SAMD3: variants seen among roughly 807,000 people sequenced by gnomAD.
SAMD3 encodes the protein sterile alpha motif domain containing 3, also known as sterile alpha motif domain-containing protein 3.
In SAMD3, 63 loss-of-function variants were observed where a neutral mutation model predicts 58.5. That is an observed-to-expected ratio of 1.08 (90% CI 0.88 to 1.33). SAMD3 has a LOEUF of 1.33. SAMD3 is among the 40% of genes most tolerant of loss of function. The pLI is 0.00. For synonymous variants in SAMD3, 220 were observed against 210.3 expected (o/e 1.05, Z -0.40); for missense variants, 604 against 608.4 (o/e 0.99, Z 0.08).
intron 1 of SAMD3, among the ~76,000 whole-genome samples, chr6:130,325,272 T>G (rs1776719316): frequency 6.6e-6 from 1 of 152,170 alleles, no homozygotes; most frequent in Admixed American, 6.5e-5. Context: ...ATATGGTGTC[T>G]GCAAGGAGAG....
At chr6:130,336,342 A>T (rs1330989325) in intron 1 of SAMD3, among the ~76,000 whole-genome samples, 1 of 152,184 alleles carries the variant, frequency 6.6e-6, no homozygotes, top group Non-Finnish European at 1.5e-5. Context: ...CCAGGATTTG[A>T]ATTCTGATAC....
upstream of SAMD3, among the ~76,000 whole-genome samples, chr6:130,225,096 A>G (rs1485124105): frequency 6.6e-6 from 1 of 152,180 alleles, no homozygotes; most frequent in African/African-American, 2.4e-5. Flanking sequence ...GTGAGTGAGC[A>G]TGGGGAAGAA....
chr6:130,304,777 T>C (rs1445250890), intron 2 of SAMD3, among the ~76,000 whole-genome samples: 1 of 152,080 alleles, frequency 6.6e-6, no homozygotes, highest in Non-Finnish European at 1.5e-5. Flanking sequence ...CTATATTGAG[T>C]CTTTCTAAAA....
intron 9 of SAMD3, among the ~76,000 whole-genome samples, chr6:130,153,515 C>T (rs1266798219): frequency 6.6e-6 from 1 of 151,462 alleles, no homozygotes; most frequent in Non-Finnish European, 1.5e-5. Context: ...AATATGTTCT[C>T]GGGTAAAACC....
At chr6:130,165,336 TA>T (rs1790632977) in intron 8 of SAMD3, among the ~76,000 whole-genome samples, 1 of 152,000 alleles carries the variant, frequency 6.6e-6, no homozygotes, top group Non-Finnish European at 1.5e-5. Flanking sequence ...TACATAACAT[TA>T]AGAGCTTCCA....
chr6:130,238,137 T>TA (rs1420691122), intron 2 of SAMD3, among the ~76,000 whole-genome samples: 4 of 152,102 alleles, frequency 2.6e-5, no homozygotes, highest in Admixed American at 6.5e-5. Flanking sequence ...TACACATTTA[T>TA]AAAAAAACAA....
chr6:130,144,623 G>T lies in SAMD3; in HGVS notation c.1460C>A (p.Thr487Asn). The T allele has an allele frequency of 6.2e-7, 1 of 1,614,160 alleles. No individual in the cohort carries two copies. Among genetic ancestry groups the T allele is most frequent in the Non-Finnish European group, 8.5e-7 (1 of 1,179,998 alleles). Residue 487 changes from threonine to asparagine, a missense_variant, in exon 12 of 12, where the codon ACT becomes AAT. By Grantham distance (65) the Thr-to-Asn change is moderately conservative (BLOSUM62 0). Transcript: ENST00000439090. The part of the protein sequence containing the change: ...RIECPRRLSQ[T>N]FNFLETLIFD... ...AATCAGCGTTTCTAGGAAGTTGAAAGTTTGGGACAGTCTTCTTGGACACTC... is the reference window on the plus strand; with the variant it reads ...AATCAGCGTTTCTAGGAAGTTGAAATTTTGGGACAGTCTTCTTGGACACTC...
At chr6:130,289,962 A>G (rs1411055494) in intron 2 of SAMD3, among the ~76,000 whole-genome samples, 2 of 138,762 alleles carry the variant, frequency 1.4e-5, no homozygotes, top group East Asian at 2.4e-4. Flanking sequence ...TTTATCACGT[A>G]CTAGAGCTTT....
chr6:130,211,572 C>T (rs1367250903), intron 4 of SAMD3, among the ~76,000 whole-genome samples: 1 of 152,118 alleles, frequency 6.6e-6, no homozygotes, highest in African/African-American at 2.4e-5. Flanking sequence ...GCATAACCCA[C>T]CACGCCGAGC....
intron 1 of SAMD3, among the ~76,000 whole-genome samples, chr6:130,351,758 G>A (rs1449234291): frequency 2.1e-4 from 32 of 152,112 alleles, no homozygotes; most frequent in Admixed American, 1.4e-3. Context: ...AAAGACACAT[G>A]CACACATATG....
intron 2 of SAMD3, among the ~76,000 whole-genome samples, chr6:130,299,701 G>A (rs1775682365): frequency 6.6e-6 from 1 of 152,060 alleles, no homozygotes; most frequent in African/African-American, 2.4e-5. Context: ...AAACAAAATT[G>A]ATAGATTGTC....
chr6:130,324,881 G>T (rs1017676564), intron 1 of SAMD3, among the ~76,000 whole-genome samples: 1 of 151,616 alleles, frequency 6.6e-6, no homozygotes, highest in Non-Finnish European at 1.5e-5. Context: ...ATTCTTTCCC[G>T]GTGCCTCACA....
intron 2 of SAMD3, among the ~76,000 whole-genome samples, chr6:130,232,748 T>G (rs1796581917): frequency 6.6e-6 from 1 of 152,154 alleles, no homozygotes; most frequent in Admixed American, 6.5e-5. Flanking sequence ...AAAAAACAAT[T>G]AGCAAATGCT....
chr6:130,228,519 C>A (rs1796449966), intron 2 of SAMD3, among the ~76,000 whole-genome samples: 2 of 152,118 alleles, frequency 1.3e-5, no homozygotes, highest in South Asian at 2.1e-4. Flanking sequence ...TGATATCCAG[C>A]TTCCATATCT....
rs1788421329 is a variant in SAMD3 at position 130,144,346 on chromosome 6, C to A, written c.*174G>T. The A allele has an allele frequency of 5.2e-6, 3 of 580,740 alleles. No homozygotes were observed. Among genetic ancestry groups the A allele is most frequent in the South Asian group, 6.3e-5 (2 of 31,802 alleles). The allele number at this position is 580,740 out of a possible 1,614,324, so 36.0% of individuals were successfully genotyped here. ...GAAGTAGAATTTTATTACAGAATTT[C>A]ACAAAGAACTTAATATCTAAGTGTA... On this transcript the variant is annotated 3_prime_UTR_variant, in exon 12 of 12. Coordinates refer to ENST00000439090, the MANE Select transcript of SAMD3 (RefSeq NM_001017373.4).
chr6:130,249,364 A>G (rs1773664260), intron 2 of SAMD3, among the ~76,000 whole-genome samples: 1 of 152,088 alleles, frequency 6.6e-6, no homozygotes, highest in Non-Finnish European at 1.5e-5. Context: ...CCAAAGCCTC[A>G]TTTCTGAAAA....
At chr6:130,266,576 A>T (rs1480052156) in intron 2 of SAMD3, among the ~76,000 whole-genome samples, 1 of 146,000 alleles carries the variant, frequency 6.8e-6, no homozygotes, top group Non-Finnish European at 1.5e-5. Flanking sequence ...AAACCATACT[A>T]AAAAAAATCC....
At chr6:130,340,839 C>T (rs1777245839) in intron 1 of SAMD3, among the ~76,000 whole-genome samples, 1 of 152,148 alleles carries the variant, frequency 6.6e-6, no homozygotes, top group East Asian at 1.9e-4. Flanking sequence ...ATCTGGTTTC[C>T]TTTATGATGA....
chr6:130,154,250 T>A (rs12197099), intron 9 of SAMD3, among the ~76,000 whole-genome samples: 2 of 115,812 alleles, frequency 1.7e-5, no homozygotes, highest in African/African-American at 3.1e-5. Context: ...TTTTTTTTTT[T>A]AATTTTTCCT....
Sources: gnomAD v4.1 joint callset for allele counts (sites outside exome capture counted in the v4.1 genomes callset) on GRCh38, gnomAD v4.1.1 for gene constraint, MANE v1.5 for transcripts, NCBI Gene and HGNC (gene_info 2026-07-23, HGNC 2026-07-21) for gene names.